MLH3: variants seen among roughly 807,000 people sequenced by gnomAD.
The protein encoded by MLH3 is mutL homolog 3, also known as DNA mismatch repair protein Mlh3.
Under a neutral mutation model 122.2 loss-of-function variants are expected in MLH3, and 82 were observed. The ratio of observed to expected loss-of-function variants is 0.67; its 90% CI spans 0.56 to 0.81. The LOEUF (loss-of-function observed/expected upper bound fraction) is 0.81. MLH3 is among the 30% of genes least tolerant of loss of function. MLH3 has a pLI of 0.00. For synonymous variants in MLH3, 524 were observed against 599.5 expected, an observed-to-expected ratio of 0.87 and a Z score of 1.84; for missense variants, 1,539 against 1,714.5, an observed-to-expected ratio of 0.90 and a Z score of 1.81.
chr14:75,038,311 T>G, intron 6 of MLH3, 29 bp downstream of exon 6: 1 of 1,499,014 alleles, frequency 6.7e-7, no homozygotes, highest in Non-Finnish European at 9.3e-7. Flanking sequence ...ACCAGCTGGT[T>G]AATCATTCAG....
At chr14:75,038,222 T>C in intron 6 of MLH3, 118 bp downstream of exon 6, 3 of 772,544 alleles carry the variant, frequency 3.9e-6, no homozygotes, top group East Asian at 2.7e-5. Flanking sequence ...TAGTTTTAGA[T>C]TGGCTTTCCC....
chr14:75,030,906 T>C (rs1258888127), intron 8 of MLH3, among the ~76,000 whole-genome samples: 1 of 152,272 alleles, frequency 6.6e-6, no homozygotes, highest in East Asian at 1.9e-4. Context: ...CTTTATTGTT[T>C]TTCTCTTTTC....
In MLH3 at chr14:75,046,952, A is replaced by T; in HGVS notation, c.2704T>A (p.Ser902Thr). The T allele has an allele frequency of 6.2e-7, 1 of 1,614,128 alleles. No individual in the cohort carries two copies. Among genetic ancestry groups the T allele is most frequent in the Non-Finnish European group, 8.5e-7 (1 of 1,180,026 alleles). Residue 902 changes from serine to threonine, a missense_variant, in exon 2 of 13, where the codon TCA becomes ACA. Transcript: ENST00000355774. ...TTGCTGTCTTTCCTACTGGAATCTG[A>T]ATTTGGAAGTTCATTAAAACGACTC... ...MMSRFNELPN[S>T]DSSRKDSKLC...
In MLH3 at chr14:75,049,541, T is replaced by G; in HGVS notation, c.115A>C (p.Lys39Gln). 6.2e-7 allele frequency: 1 copy of G among 1,614,224 alleles called. No homozygotes were observed. Among genetic ancestry groups the G allele is most frequent in the South Asian group, 1.1e-5 (1 of 91,084 alleles). ...ATATTCACCCTGACAGCCACACATT[T>G]TGCTTCAGCATCAATACTGTTGAGG... ...LALNSIDAEA[K>Q]CVAVRVNMET... Residue 39 changes from lysine (K) to glutamine (Q), a missense_variant, in exon 2 of 13, where the codon AAA becomes CAA. Lys to Gln is a moderately conservative substitution (Grantham distance 53). Transcript: ENST00000355774.
Position 75,048,089 on chromosome 14 carries a change from G to A in MLH3, c.1567C>T (p.Gln523Ter), listed in dbSNP as rs759903303. 6.2e-7 allele frequency: 1 copy of A among 1,613,984 alleles called. No homozygotes were observed. The highest frequency in any genetic ancestry group is 1.3e-5 in the African/African-American group (1 of 74,918). Residue 523 changes from glutamine to a stop codon, truncating the protein, a stop_gained, in exon 2 of 13, where the codon CAG becomes TAG. Coordinates refer to ENST00000355774, the MANE Select transcript of MLH3 (RefSeq NM_001040108.2). LOFTEE classifies it high-confidence loss of function. ...CTTTCTTTCCATATTTCTAGATCCTGCCCACTCTCCTCAAAGTGACATGGT... is the reference window on the plus strand; with the variant it reads ...CTTTCTTTCCATATTTCTAGATCCTACCCACTCTCCTCAAAGTGACATGGT... Reference protein sequence around the residue: ...QTPCHFEESGQDLEIWKESTT... With the variant: ...QTPCHFEESG
intron 9 of MLH3, among the ~76,000 whole-genome samples, chr14:75,025,844 T>C (rs1408067051): frequency 6.6e-6 from 1 of 152,188 alleles, no homozygotes; most frequent in Non-Finnish European, 1.5e-5. Context: ...TCCTCATCTG[T>C]GTCCCTTCTC....
intron 2 of MLH3, among the ~76,000 whole-genome samples, chr14:75,042,688 T>C (rs1891940487): frequency 6.8e-6 from 1 of 147,342 alleles, no homozygotes; most frequent in Non-Finnish European, 1.5e-5. Context: ...TATCTATTCA[T>C]ACCAGACAGA....
chr14:75,014,958 C>G lies in MLH3; in HGVS notation c.*2124G>C, dbSNP rs185667493. 1 of 179,718 alleles carries G rather than the reference C, an allele frequency of 5.6e-6. No homozygotes were observed. The highest frequency in any genetic ancestry group is 1.2e-5 in the Non-Finnish European group (1 of 83,874). The allele number at this position is 179,718 out of a possible 1,614,324, so 11.1% of individuals were successfully genotyped here. The stretch of plus-strand genomic sequence containing the variant: ...TCGAAGTTTTATTATACAAAGGTGA[C>G]AACTAGGTTCCTAAGAGGAACCTTC... On this transcript the variant is annotated 3_prime_UTR_variant, in exon 13 of 13. Coordinates refer to ENST00000355774, the MANE Select transcript of MLH3 (RefSeq NM_001040108.2).
At position 75,017,152 on chromosome 14, in the gene MLH3, A is replaced by G. The variant is rs1313479174; in HGVS notation, c.4292T>C (p.Leu1431Pro). The G allele has an allele frequency of 6.2e-7, 1 of 1,612,994 alleles. No individual in the cohort carries two copies. The highest frequency in any genetic ancestry group is 1.1e-5 in the South Asian group (1 of 91,086). Residue 1431 changes from leucine (L) to proline (P), a missense_variant, in exon 13 of 13, where the codon CTC becomes CCC. Transcript: ENST00000355774. ...KLRKMAQAWRLFGKAECDTRQ... is the reference protein window; with the variant it reads ...KLRKMAQAWRPFGKAECDTRQ... ...TGTATCACACTCTGCTTTTCCAAAGAGACGCCAGGCCTGGGCCATTTTGCG... is the reference window on the plus strand; with the variant it reads ...TGTATCACACTCTGCTTTTCCAAAGGGACGCCAGGCCTGGGCCATTTTGCG...
intron 9 of MLH3, among the ~76,000 whole-genome samples, chr14:75,029,130 T>G (rs1359976853): frequency 9.1e-5 from 2 of 21,908 alleles, no homozygotes; most frequent in Non-Finnish European, 8.3e-5. Context: ...AGCCTGGGCA[T>G]CGCAAAAAAA....
Position 75,024,969 on chromosome 14 carries a change from T to C in MLH3, c.3988-1951A>G, listed in dbSNP as rs186401183. 3.3e-5 allele frequency among the ~76,000 whole-genome samples: 5 copies of C among 152,322 alleles called. No individual in the cohort carries two copies. In the East Asian group the frequency reaches 9.6e-4, roughly 29 times the overall value. On this transcript the variant is annotated intron_variant, in intron 9 of 12. Transcript: ENST00000355774. Reference sequence around the variant, plus strand: ...AGCATGTCTGTGGGGAGGAAAGAGCTTTGCTGGAAGCAGAGCAAATCTTTG... The same window carrying C: ...AGCATGTCTGTGGGGAGGAAAGAGCCTTGCTGGAAGCAGAGCAAATCTTTG...
chr14:75,028,614 C>T (rs915960010), intron 9 of MLH3, among the ~76,000 whole-genome samples: 10 of 151,250 alleles, frequency 6.6e-5, no homozygotes, highest in African/African-American at 2.4e-4. Context: ...GACGGGGTCT[C>T]ATCATGTTGG....
intron 6 of MLH3, among the ~76,000 whole-genome samples, chr14:75,035,990 C>T (rs185536787): frequency 6.6e-6 from 1 of 152,314 alleles, no homozygotes; most frequent in African/African-American, 2.4e-5. Context: ...CTCTCACTTG[C>T]TAAAATCCCT....
At chr14:75,042,306 C>T (rs1365513627) in intron 3 of MLH3, 73 bp downstream of exon 3, 5 of 1,319,640 alleles carry the variant, frequency 3.8e-6, no homozygotes, top group Non-Finnish European at 5.5e-6. Flanking sequence ...AAGCTTAATG[C>T]AAGCCTGCTT....
Position 75,016,149 on chromosome 14 carries a change from T to C in MLH3, c.*933A>G, listed in dbSNP as rs1452257160. 1 of 222,762 alleles carries C rather than the reference T, an allele frequency of 4.5e-6. No individual in the cohort carries two copies. The highest frequency in any genetic ancestry group is 9.0e-6 in the Non-Finnish European group (1 of 111,478). 13.8% of individuals were successfully genotyped at this position (222,762 alleles called of 1,614,324 possible). A position where few individuals can be genotyped will look rare whatever the true frequency, so the allele number is the denominator to read the frequency against. On this transcript the variant is annotated 3_prime_UTR_variant, in exon 13 of 13. Coordinates refer to ENST00000355774, the MANE Select transcript of MLH3 (RefSeq NM_001040108.2). ...CGATCAGTCCTGGTCCCAAGTGATA[T>C]TATAAGGGCAATAGATAGGCATAAT...
At chr14:75,023,964 T>C (rs175059) in intron 9 of MLH3, among the ~76,000 whole-genome samples, 66,607 of 151,970 alleles carry the variant, frequency 0.44, 15,001 homozygotes, top group Middle Eastern at 0.52. Context: ...AAATCACATG[T>C]TTTCCCAAAC....
At chr14:75,023,473 C>T (rs958209029) in intron 9 of MLH3, among the ~76,000 whole-genome samples, 3 of 152,236 alleles carry the variant, frequency 2.0e-5, no homozygotes, top group Admixed American at 1.3e-4. Flanking sequence ...GCTTAAATAT[C>T]ATAAACATAA....
chr14:75,046,763 T>C lies in MLH3; in HGVS notation c.2893A>G (p.Ile965Val), dbSNP rs1223845608. ...GGCAATACCAAAGGAGTTTCTGATA[T>C]CACACAGTTCTCTGTTGTATTGCTG... ...SNSNTTENCV[I>V]SETPLVLPYN... is the part of the protein sequence containing the mutation. The change falls in exon 2 of 13, where the codon ATA becomes GTA. Residue 965 changes from isoleucine (I) to valine (V), a missense_variant. By Grantham distance (29) the Ile-to-Val change is conservative. Coordinates refer to ENST00000355774, the MANE Select transcript of MLH3 (RefSeq NM_001040108.2). 1.9e-6 allele frequency: 3 copies of C among 1,614,218 alleles called. No individual in the cohort carries two copies. The highest frequency in any genetic ancestry group is 1.7e-4 in the Middle Eastern group (1 of 6,060).
chr14:75,033,032 T>G (rs1270907246), intron 7 of MLH3, among the ~76,000 whole-genome samples: 1 of 151,710 alleles, frequency 6.6e-6, no homozygotes, highest in Non-Finnish European at 1.5e-5. Flanking sequence ...AATTTTAAAA[T>G]CAAAACAGCA....
Sources: gnomAD v4.1 joint callset for allele counts (sites outside exome capture counted in the v4.1 genomes callset) on GRCh38, gnomAD v4.1.1 for gene constraint, MANE v1.5 for transcripts, NCBI Gene and HGNC (gene_info 2026-07-23, HGNC 2026-07-21) for gene names.